Variants in KIF16B observed in about 807,000 individuals in gnomAD.
The protein encoded by KIF16B is kinesin-like protein KIF16B.
Under a neutral mutation model 156.3 loss-of-function variants are expected in KIF16B, and 98 were observed. The ratio of observed to expected loss-of-function variants is 0.63; its 90% confidence interval spans 0.53 to 0.74. The LOEUF (loss-of-function observed/expected upper bound fraction) is 0.74, where lower values mean the gene tolerates loss of function less well. KIF16B is among the 30% of genes least tolerant of loss of function. The probability of loss-of-function intolerance (pLI) is 0.00; values close to 1 mark genes in which losing one functional copy is unlikely to be tolerated. For missense variants in KIF16B, 1,421 were observed against 1,606.5 expected, an observed-to-expected ratio of 0.88 and a Z score of 1.97; for synonymous variants, 564 against 583.7, an observed-to-expected ratio of 0.97 and a Z score of 0.49.
intron 3 of KIF16B, among the ~76,000 whole-genome samples, chr20:16,525,874 A>G (rs1357999390): frequency 6.6e-6 from 1 of 152,184 alleles, no homozygotes; most frequent in Non-Finnish European, 1.5e-5. Flanking sequence ...TTATGCTCAA[A>G]GGTGAAAAAA....
chr20:16,404,944 G>A, intron 16 of KIF16B, 43 bp from the exon 17 acceptor site: 3 of 1,421,152 alleles, frequency 2.1e-6, no homozygotes, highest in Non-Finnish European at 3.0e-6. Flanking sequence ...TAGCAGAGAA[G>A]AAAAGGCCAC....
At chr20:16,310,603 A>G (rs2063605107) in intron 25 of KIF16B, among the ~76,000 whole-genome samples, 1 of 152,214 alleles carries the variant, frequency 6.6e-6, no homozygotes, top group Admixed American at 6.5e-5. Flanking sequence ...GTTTCCATTA[A>G]AGGCAGGTCT....
At chr20:16,410,524 T>G (rs2065927529) in intron 15 of KIF16B, among the ~76,000 whole-genome samples, 1 of 151,996 alleles carries the variant, frequency 6.6e-6, no homozygotes, top group Non-Finnish European at 1.5e-5. Context: ...ACATGAAATT[T>G]ATTTATGCTT....
At chr20:16,453,134 G>A (rs1018549882) in intron 12 of KIF16B, among the ~76,000 whole-genome samples, 1 of 151,256 alleles carries the variant, frequency 6.6e-6, no homozygotes, top group Non-Finnish European at 1.5e-5. Context: ...CTCAGGTTTA[G>A]TGGTATGCAC....
At chr20:16,510,682 G>C (rs1221692454) in intron 6 of KIF16B, among the ~76,000 whole-genome samples, 1 of 152,074 alleles carries the variant, frequency 6.6e-6, no homozygotes, top group African/African-American at 2.4e-5. Context: ...ATGGGGTCCT[G>C]TTGTTATATC....
chr20:16,369,234 G>T, intron 22 of KIF16B: 2 of 985,806 alleles, frequency 2.0e-6, no homozygotes, highest in Non-Finnish European at 1.2e-6. Context: ...GCAGAAGCGG[G>T]TCAAGATACC....
At chr20:16,427,371 T>A in intron 14 of KIF16B, 130 bp from the exon 15 acceptor site, 1 of 876,426 alleles carries the variant, frequency 1.1e-6, no homozygotes, top group Non-Finnish European at 1.7e-6. Context: ...TATCATGAAG[T>A]GAACATTTAT....
chr20:16,534,626 A>G (rs557243811), intron 1 of KIF16B, among the ~76,000 whole-genome samples: 1 of 152,276 alleles, frequency 6.6e-6, no homozygotes, highest in East Asian at 1.9e-4. Flanking sequence ...GTTCTCTTCT[A>G]GTAGTTTTGT....
At chr20:16,439,307 A>G (rs1024577006) in intron 12 of KIF16B, among the ~76,000 whole-genome samples, 1 of 151,638 alleles carries the variant, frequency 6.6e-6, no homozygotes, top group Non-Finnish European at 1.5e-5. Context: ...CCTACCATCT[A>G]CTCTCCATAT....
chr20:16,326,282 A>G (rs1268775979), intron 24 of KIF16B, among the ~76,000 whole-genome samples: 1 of 151,994 alleles, frequency 6.6e-6, no homozygotes, highest in Non-Finnish European at 1.5e-5. Context: ...ATGCAACAAA[A>G]AAAAAAAGAT....
intron 25 of KIF16B, among the ~76,000 whole-genome samples, chr20:16,290,392 A>G (rs2063297390): frequency 6.6e-6 from 1 of 152,298 alleles, no homozygotes; most frequent in South Asian, 2.1e-4. Flanking sequence ...CTATGCCTCT[A>G]ATATGTCACC....
Position 16,573,241 on chromosome 20 carries a change from G to T in KIF16B, c.35C>A (p.Pro12His). 1 of 1,601,922 alleles carries T rather than the reference G, an allele frequency of 6.2e-7. No individual in the cohort carries two copies. The change falls in exon 1 of 26, where the codon CCC (proline) becomes CAC (histidine). Residue 12 changes from proline to histidine, a missense_variant. Transcript: ENST00000354981. ...ASVKVAVRVR[P>H]MNRREKDLEA... ...CGGCCCCACTCACCTGCGATTCATG[G>T]GCCGGACCCTCACGGCCACCTTGAC...
chr20:16,414,112 G>T (rs1424143679), intron 15 of KIF16B, among the ~76,000 whole-genome samples: 6 of 151,904 alleles, frequency 3.9e-5, no homozygotes. Flanking sequence ...ATGTTCTAGG[G>T]CCTTAGACTT....
chr20:16,436,377 G>A (rs1242472244), intron 12 of KIF16B, among the ~76,000 whole-genome samples: 1 of 152,124 alleles, frequency 6.6e-6, no homozygotes, highest in African/African-American at 2.4e-5. Context: ...GCTCCCTAAT[G>A]ATTGGGAAGG....
At chr20:16,378,238 G>C (rs1037998338) in intron 19 of KIF16B, among the ~76,000 whole-genome samples, 18 of 152,110 alleles carry the variant, frequency 1.2e-4, no homozygotes, top group South Asian at 1.0e-3. Flanking sequence ...AGTAGAGATG[G>C]AAAGAGGTGA....
chr20:16,331,933 C>A (rs1025082891), intron 24 of KIF16B, among the ~76,000 whole-genome samples: 1 of 152,044 alleles, frequency 6.6e-6, no homozygotes, highest in Non-Finnish European at 1.5e-5. Context: ...CAAGTCTCAA[C>A]AAATACTTAG....
At chr20:16,479,685 T>C (rs2067923594) in intron 12 of KIF16B, among the ~76,000 whole-genome samples, 1 of 152,174 alleles carries the variant, frequency 6.6e-6, no homozygotes, top group Non-Finnish European at 1.5e-5. Context: ...CATAAATACT[T>C]ACCATTGTGT....
At chr20:16,490,941 C>T (rs1017873109) in intron 12 of KIF16B, among the ~76,000 whole-genome samples, 2 of 152,162 alleles carry the variant, frequency 1.3e-5, no homozygotes, top group African/African-American at 2.4e-5. Context: ...TTGGCCAGAT[C>T]CTGCTCCTGT....
intron 24 of KIF16B, among the ~76,000 whole-genome samples, chr20:16,332,513 G>C (rs2063965376): frequency 6.6e-6 from 1 of 152,190 alleles, no homozygotes; most frequent in African/African-American, 2.4e-5. Context: ...GAACACACGT[G>C]TTTGTGGGTT....
Sources: allele counts gnomAD v4.1 joint callset (sites outside exome capture counted in the v4.1 genomes callset), GRCh38; gene constraint gnomAD v4.1.1; transcripts MANE v1.5; gene names NCBI Gene and HGNC (gene_info 2026-07-23, HGNC 2026-07-21).